PDE8A: variants seen among roughly 807,000 people sequenced by gnomAD.
PDE8A encodes phosphodiesterase 8A.
A neutral mutation model predicts 105.0 loss-of-function variants in PDE8A; 59 were observed. That is an observed-to-expected ratio of 0.56 (90% CI 0.46 to 0.70). The LOEUF (loss-of-function observed/expected upper bound fraction) is 0.70, where lower values mean the gene tolerates loss of function less well. PDE8A is among the 30% of genes least tolerant of loss of function. The probability of loss-of-function intolerance (pLI) is 0.00; values close to 1 mark genes in which losing one functional copy is unlikely to be tolerated. For synonymous variants in PDE8A, 355 were observed against 371.9 expected (o/e 0.95, Z 0.52); for missense variants, 1,014 against 1,045.9 (o/e 0.97, Z 0.42).
chr15:85,117,611 C>T lies in PDE8A; in HGVS notation c.1536-30C>T, dbSNP rs759736255. On this transcript the variant is annotated intron_variant, in intron 16 of 21. Coordinates refer to ENST00000394553, the MANE Select transcript of PDE8A (RefSeq NM_002605.3). ...ACTTGGCCTGTTTGTTTGCTTTGTT[C>T]TAATATTGTGGGGTTTTTTCTGTCT... 35 of 1,590,250 alleles carry T rather than the reference C, an allele frequency of 2.2e-5. No homozygotes were observed. The Admixed American group carries it at 5.5e-4, about 25-fold the overall frequency.
At chr15:85,018,575 A>G (rs2080368228) in intron 1 of PDE8A, among the ~76,000 whole-genome samples, 1 of 152,166 alleles carries the variant, frequency 6.6e-6, no homozygotes, top group Non-Finnish European at 1.5e-5. Context: ...AATAAGTAAC[A>G]TTGCCATGAA....
intron 1 of PDE8A, among the ~76,000 whole-genome samples, chr15:85,008,970 C>T (rs1350982031): frequency 6.6e-6 from 1 of 152,142 alleles, no homozygotes; most frequent in African/African-American, 2.4e-5. Flanking sequence ...CTTCAGGGCT[C>T]CTGTTCTGAC....
At chr15:85,125,420 T>C (rs947347564) in intron 19 of PDE8A, among the ~76,000 whole-genome samples, 4 of 152,176 alleles carry the variant, frequency 2.6e-5, no homozygotes, top group African/African-American at 9.7e-5. Context: ...ATAGTGGTTC[T>C]ATTACATCAT....
rs141025230 is a variant in PDE8A at position 85,131,046 on chromosome 15, C to T, written c.2253+4672C>T. The stretch of plus-strand genomic sequence containing the variant: ...TGCTGAGATTACAGGCCTGAGCCAC[C>T]GCGCCTGGCCTGTAACAGTTTTTGA... On this transcript the variant is annotated intron_variant, in intron 20 of 21. Transcript: ENST00000394553. Among the ~76,000 whole-genome samples the T allele has an allele frequency of 8.3e-4, 126 of 152,262 alleles. 2 individuals are homozygous for T. The highest frequency in any genetic ancestry group is 2.0e-3 in the African/African-American group (82 of 41,542).
intron 18 of PDE8A, among the ~76,000 whole-genome samples, chr15:85,122,772 G>A (rs577995449): frequency 6.6e-6 from 1 of 152,192 alleles, no homozygotes; most frequent in Admixed American, 6.5e-5. Context: ...TCCATGTGGG[G>A]TATATTCTTT....
chr15:85,137,117 G>GAACTGATATTCC (rs2082423195), intron 21 of PDE8A, among the ~76,000 whole-genome samples: 1 of 152,148 alleles, frequency 6.6e-6, no homozygotes, highest in Non-Finnish European at 1.5e-5. Context: ...GAATATCGGA[G>GAACTGATATTCC]AACTGATATT....
chr15:85,098,742 T>C (rs957339043), intron 9 of PDE8A, among the ~76,000 whole-genome samples: 4 of 152,124 alleles, frequency 2.6e-5, no homozygotes, highest in Admixed American at 6.5e-5. Context: ...GGAAAATCCC[T>C]TGAGCCCAGG....
intron 1 of PDE8A, among the ~76,000 whole-genome samples, chr15:85,055,158 T>C (rs1359399659): frequency 6.6e-6 from 1 of 152,234 alleles, no homozygotes; most frequent in Non-Finnish European, 1.5e-5. Flanking sequence ...CTAGTTTGAC[T>C]GCACTGTGGT....
At chr15:85,054,269 C>G (rs1426762283) in intron 1 of PDE8A, among the ~76,000 whole-genome samples, 4 of 152,158 alleles carry the variant, frequency 2.6e-5, no homozygotes, top group African/African-American at 4.8e-5. Context: ...GGATATTGGT[C>G]TAAAATTCTC....
At chr15:85,105,681 C>G (rs1252320462) in intron 11 of PDE8A, among the ~76,000 whole-genome samples, 1 of 152,130 alleles carries the variant, frequency 6.6e-6, no homozygotes, top group Non-Finnish European at 1.5e-5. Context: ...AACAGGAAGC[C>G]AAGAGCAGAG....
rs1299178472 is a variant in PDE8A, at chr15:85,076,733, G to C, written c.492G>C (p.Arg164Ser). Reference protein sequence around the residue: ...ENTVIVGVVRRVDREELSVMP... With the variant: ...ENTVIVGVVRSVDREELSVMP... ...TGTTCTTTACTGTGTTATTTTGAAG[G>C]GTGGATAGAGAAGAGTTGTCCGTAA... The change falls in exon 5 of 22, where the codon AGG (arginine) becomes AGC (serine). Residue 164 changes from arginine to serine, a missense_variant and splice_region_variant. Arg to Ser is a moderately radical substitution (Grantham distance 110). Transcript: ENST00000394553. 1.9e-6 allele frequency: 3 copies of C among 1,583,876 alleles called. No individual in the cohort carries two copies. The African/African-American group carries it at 4.0e-5, about 21-fold the overall frequency.
intron 1 of PDE8A, among the ~76,000 whole-genome samples, chr15:85,057,745 A>G (rs1830867251): frequency 6.6e-6 from 1 of 152,200 alleles, no homozygotes; most frequent in South Asian, 2.1e-4. Flanking sequence ...TTTTATCATG[A>G]AAGGATATTG....
intron 12 of PDE8A, 29 bp from the exon 13 acceptor site, chr15:85,113,348 C>T (rs752236638): frequency 1.4e-5 from 22 of 1,599,256 alleles, no homozygotes; most frequent in Non-Finnish European, 1.9e-5. Flanking sequence ...GTTGTGCATG[C>T]CCTGATTTGT....
intron 1 of PDE8A, among the ~76,000 whole-genome samples, chr15:85,049,670 C>G (rs2080941785): frequency 6.6e-6 from 1 of 152,204 alleles, no homozygotes; most frequent in Non-Finnish European, 1.5e-5. Flanking sequence ...GCCTTAGCCT[C>G]CCAAGTACCT....
At chr15:85,027,613 T>G (rs544327319) in intron 1 of PDE8A, among the ~76,000 whole-genome samples, 1 of 152,348 alleles carries the variant, frequency 6.6e-6, no homozygotes, top group African/African-American at 2.4e-5. Flanking sequence ...TTTACTGTCA[T>G]CTTATAAAAC....
chr15:85,116,295 G>C (rs899961578), intron 16 of PDE8A, 176 bp downstream of exon 16: 4 of 582,242 alleles, frequency 6.9e-6, no homozygotes, highest in African/African-American at 5.6e-5. Flanking sequence ...GGGAGAGTCT[G>C]CTGGCCACAG....
At chr15:85,039,708 G>A (rs915863784) in intron 1 of PDE8A, among the ~76,000 whole-genome samples, 14 of 152,146 alleles carry the variant, frequency 9.2e-5, no homozygotes, top group Non-Finnish European at 1.6e-4. Context: ...AGAAACAATC[G>A]ATGTGCTGAT....
chr15:85,065,080 G>A (rs1008982035), intron 2 of PDE8A, among the ~76,000 whole-genome samples: 1 of 152,074 alleles, frequency 6.6e-6, no homozygotes, highest in Non-Finnish European at 1.5e-5. Context: ...AGCAAAGGTG[G>A]CAAAATGTTA....
At chr15:84,986,791 T>C (rs2079809281) in intron 1 of PDE8A, among the ~76,000 whole-genome samples, 1 of 151,864 alleles carries the variant, frequency 6.6e-6, no homozygotes, top group South Asian at 2.1e-4. Context: ...TAAACTTTTT[T>C]TTTGTCGAGA....
Sources: allele counts gnomAD v4.1 joint callset (sites outside exome capture counted in the v4.1 genomes callset), GRCh38; gene constraint gnomAD v4.1.1; transcripts MANE v1.5; gene names NCBI Gene and HGNC (gene_info 2026-07-23, HGNC 2026-07-21).